Variants in RBFOX2 observed in about 807,000 individuals in gnomAD.
The protein encoded by RBFOX2 is RNA binding fox-1 homolog 2, also known as RNA binding protein fox-1 homolog 2.
A neutral mutation model predicts 49.1 loss-of-function variants in RBFOX2; 10 were observed. The ratio of observed to expected loss-of-function variants is 0.20; its 90% confidence interval spans 0.13 to 0.35. The LOEUF (loss-of-function observed/expected upper bound fraction) is 0.35. RBFOX2 is among the 10% of genes least tolerant of loss of function. RBFOX2 has a pLI of 1.00. For synonymous variants in RBFOX2, 183 were observed against 187.4 expected (o/e 0.98, Z 0.19); for missense variants, 323 against 486.9 (o/e 0.66, Z 3.17).
At chr22:35,819,568 G>A (rs949033997) in intron 1 of RBFOX2, among the ~76,000 whole-genome samples, 5 of 152,144 alleles carry the variant, frequency 3.3e-5, no homozygotes, top group Non-Finnish European at 7.3e-5. Context: ...ACAGTCTCAA[G>A]TCCAAATACC....
intron 11 of RBFOX2, among the ~76,000 whole-genome samples, chr22:35,745,574 C>T (rs1932276582): frequency 6.6e-6 from 1 of 152,182 alleles, no homozygotes. Context: ...GCTCCATGCT[C>T]CTTTGCCAAC....
chr22:35,872,653 C>A (rs2044505739), intron 1 of RBFOX2, among the ~76,000 whole-genome samples: 1 of 152,210 alleles, frequency 6.6e-6, no homozygotes, highest in Admixed American at 6.5e-5. Context: ...CGTCAATGGC[C>A]TGCCAGGGTG....
At chr22:35,803,161 C>T (rs1203206807) in intron 2 of RBFOX2, among the ~76,000 whole-genome samples, 1 of 151,924 alleles carries the variant, frequency 6.6e-6, no homozygotes, top group Non-Finnish European at 1.5e-5. Context: ...CACACACACA[C>T]ACACACACAC....
At position 35,977,548 on chromosome 22, in the gene RBFOX2, ATGCG is replaced by A. The variant is rs558713874; in HGVS notation, c.187-38655_187-38652del. ...TGATCAGTGATGCCAGTGGCTGCGG[ATGCG>A]AAGAGAGAACTAACTGTGAAAGAGC... On this transcript the variant is annotated intron_variant, in intron 1 of 13. Coordinates refer to the RBFOX2 transcript ENST00000438146. Among the ~76,000 whole-genome samples the A allele has an allele frequency of 1.1e-4, 16 of 151,972 alleles. No homozygotes were observed. The South Asian group carries it at 3.3e-3, about 32-fold the overall frequency.
intron 1 of RBFOX2, among the ~76,000 whole-genome samples, chr22:35,913,718 T>C (rs1030686038): frequency 2.4e-4 from 37 of 151,928 alleles, no homozygotes; most frequent in Admixed American, 2.4e-3. Context: ...ATCTATGTCA[T>C]AGAAAGGCTA....
exon 12 of RBFOX2, chr22:35,742,220 T>G (rs2145670367): frequency 6.6e-6 from 1 of 152,340 alleles, no homozygotes; most frequent in African/African-American, 2.4e-5. Context: ...ATTCTCTGTC[T>G]TCCTCCCCAG....
chr22:35,743,842 C>T (rs1181374140), exon 12 of RBFOX2: 1 of 197,668 alleles, frequency 5.1e-6, no homozygotes, highest in Non-Finnish European at 1.0e-5. Context: ...CATTTATCGG[C>T]TCCTAATGTC....
At chr22:35,792,827 T>C (rs1948023450) in intron 2 of RBFOX2, among the ~76,000 whole-genome samples, 1 of 152,236 alleles carries the variant, frequency 6.6e-6, no homozygotes, top group South Asian at 2.1e-4. Flanking sequence ...TTTTACAAAG[T>C]TGGCCAGGAT....
In RBFOX2 at chr22:35,809,839, T is replaced by C. The variant is rs963341482; in HGVS notation, c.193A>G (p.Thr65Ala). 1.1e-5 allele frequency: 17 copies of C among 1,614,132 alleles called. No individual in the cohort carries two copies. Among genetic ancestry groups the C allele is most frequent in the Admixed American group, 1.0e-4 (6 of 60,012 alleles). The change falls in exon 2 of 12, where the codon ACG becomes GCG. Residue 65 changes from threonine (T) to alanine (A), a missense_variant. Coordinates refer to ENST00000405409, the Ensembl canonical transcript of RBFOX2. ...CTGCTCTGCTCCCCGTGGGCTTGCG[T>C]ACTTCCGTAGAGTGTCAGGTTATGC...
chr22:35,798,873 T>C (rs1011054820), intron 2 of RBFOX2, among the ~76,000 whole-genome samples: 2 of 152,200 alleles, frequency 1.3e-5, no homozygotes, highest in African/African-American at 4.8e-5. Context: ...AAGTAAATGA[T>C]TCTAATTACA....
At chr22:35,776,447 A>G (rs539903431) in intron 4 of RBFOX2, among the ~76,000 whole-genome samples, 2 of 152,314 alleles carry the variant, frequency 1.3e-5, no homozygotes, top group African/African-American at 4.8e-5. Context: ...AGGATTAAAC[A>G]CTTTTAGTGT....
At chr22:35,833,778 A>G (rs1269679313) in intron 1 of RBFOX2, among the ~76,000 whole-genome samples, 2 of 152,214 alleles carry the variant, frequency 1.3e-5, no homozygotes, top group African/African-American at 4.8e-5. Context: ...TACAACATGG[A>G]CATTAATAGT....
At chr22:35,994,246 T>C (rs1017172179) in intron 1 of RBFOX2, 7 of 152,038 alleles carry the variant, frequency 4.6e-5, no homozygotes, top group African/African-American at 1.7e-4. Context: ...GTTAAAATAT[T>C]AGCATTTCAA....
At chr22:35,996,242 C>A (rs2058184297) in intron 1 of RBFOX2, 1 of 152,054 alleles carries the variant, frequency 6.6e-6, no homozygotes, top group Admixed American at 6.6e-5. Flanking sequence ...TGGGGGATAC[C>A]ATTCCCCTCA....
At chr22:35,961,710 T>G, upstream of RBFOX2, 2 of 1,292,558 alleles carry the variant, frequency 1.5e-6, no homozygotes, top group South Asian at 2.5e-5. Context: ...ATTGGCTTCA[T>G]GGAGCAGGAT....
intron 1 of RBFOX2, among the ~76,000 whole-genome samples, chr22:35,831,653 G>A (rs762071947): frequency 6.6e-5 from 10 of 152,104 alleles, no homozygotes; most frequent in Admixed American, 5.2e-4. Flanking sequence ...AGCCAAAATT[G>A]TTTACTATCT....
At chr22:35,916,869 T>C (rs2050478301) in intron 1 of RBFOX2, among the ~76,000 whole-genome samples, 2 of 148,988 alleles carry the variant, frequency 1.3e-5, no homozygotes, top group African/African-American at 2.5e-5. Flanking sequence ...AGACTCTATC[T>C]GAAAAATTTA....
chr22:35,853,703 GTA>G (rs2042210138), intron 1 of RBFOX2, among the ~76,000 whole-genome samples: 2 of 142,656 alleles, frequency 1.4e-5, no homozygotes, highest in East Asian at 2.0e-4. Context: ...GTGTGTGTGT[GTA>G]GCCATTAAGA....
At chr22:35,854,912 C>CA (rs2042341725) in intron 1 of RBFOX2, among the ~76,000 whole-genome samples, 1 of 151,944 alleles carries the variant, frequency 6.6e-6, no homozygotes, top group Admixed American at 6.6e-5. Context: ...AAACACACTA[C>CA]AAAAAATCAA....
Sources: allele counts gnomAD v4.1 joint callset (sites outside exome capture counted in the v4.1 genomes callset), GRCh38; gene constraint gnomAD v4.1.1; transcripts MANE v1.5; gene names NCBI Gene and HGNC (gene_info 2026-07-23, HGNC 2026-07-21).